The following TNKS variants were observed in gnomAD, a reference collection of about 807,000 sequenced individuals.
The protein encoded by TNKS is tankyrase.
Under a neutral mutation model 135.8 loss-of-function variants are expected in TNKS, and 72 were observed. The ratio of observed to expected loss-of-function variants is 0.53; its 90% CI spans 0.44 to 0.64. TNKS has a LOEUF of 0.64. TNKS is among the 30% of genes least tolerant of loss of function. The pLI, the probability that TNKS is intolerant of heterozygous loss-of-function variation, is 0.00. For missense variants in TNKS, 1,769 were observed against 1,674.0 expected (o/e 1.06, Z -0.99); for synonymous variants, 849 against 649.3 (o/e 1.31, Z -4.68).
chr8:9,609,527 A>G (rs1269711591), intron 2 of TNKS, among the ~76,000 whole-genome samples: 3 of 152,106 alleles, frequency 2.0e-5, no homozygotes, highest in Admixed American at 6.5e-5. Context: ...ATTCCATGAG[A>G]CATTGAAATG....
At chr8:9,556,786 C>T (rs1478232475) in intron 1 of TNKS, 174 bp downstream of exon 1, 9 of 434,440 alleles carry the variant, frequency 2.1e-5, no homozygotes, top group South Asian at 1.0e-4. Flanking sequence ...GTGATGGGGG[C>T]GTGGTTGGGG....
At chr8:9,657,699 G>T (rs1195170889) in intron 3 of TNKS, among the ~76,000 whole-genome samples, 1 of 96,248 alleles carries the variant, frequency 1.0e-5, no homozygotes, top group Non-Finnish European at 2.2e-5. Flanking sequence ...CCGGGCTGAG[G>T]GGCTCCTCAC....
At chr8:9,727,718 A>G (rs1805232890) in intron 13 of TNKS, among the ~76,000 whole-genome samples, 1 of 152,240 alleles carries the variant, frequency 6.6e-6, no homozygotes, top group East Asian at 1.9e-4. Context: ...AGCATTCTTG[A>G]TAACATATAC....
At chr8:9,687,250 A>G (rs1803044728) in intron 5 of TNKS, among the ~76,000 whole-genome samples, 1 of 152,190 alleles carries the variant, frequency 6.6e-6, no homozygotes, top group South Asian at 2.1e-4. Context: ...TGGGATTACA[A>G]GAAGGTCAAA....
At chr8:9,648,689 T>C (rs994239035) in intron 3 of TNKS, among the ~76,000 whole-genome samples, 3 of 152,314 alleles carry the variant, frequency 2.0e-5, no homozygotes, top group African/African-American at 7.2e-5. Context: ...TACTAGGTGA[T>C]AGAAATTTTT....
rs141516749 is a variant in TNKS, at chr8:9,677,409, G to A, written c.995-2542G>A. Among the ~76,000 whole-genome samples the A allele has an allele frequency of 4.6e-5, 7 of 152,288 alleles. No individual in the cohort carries two copies. In the South Asian group the frequency reaches 1.5e-3, roughly 32 times the overall value. On this transcript the variant is annotated intron_variant, in intron 3 of 26. Transcript: ENST00000310430. The stretch of plus-strand genomic sequence containing the variant: ...GCTTGATGAGAAGTTCAGGTAGGGA[G>A]AGACTGATTTGAACTTTGAGGTTCC...
At chr8:9,667,888 T>C (rs935321041) in intron 3 of TNKS, among the ~76,000 whole-genome samples, 2 of 151,134 alleles carry the variant, frequency 1.3e-5, no homozygotes, top group Non-Finnish European at 2.9e-5. Flanking sequence ...TCTCTTTGAA[T>C]CACGTCATTT....
At chr8:9,673,518 C>T (rs558635148) in intron 3 of TNKS, among the ~76,000 whole-genome samples, 1 of 145,612 alleles carries the variant, frequency 6.9e-6, no homozygotes, top group Admixed American at 7.1e-5. Context: ...GATCTCAGCT[C>T]ACTGCAACCT....
chr8:9,661,134 A>C (rs1294361164), intron 3 of TNKS, among the ~76,000 whole-genome samples: 1 of 152,054 alleles, frequency 6.6e-6, no homozygotes, highest in Admixed American at 6.6e-5. Flanking sequence ...GGAAGAATCA[A>C]TATCGTGAAA....
intron 2 of TNKS, among the ~76,000 whole-genome samples, chr8:9,604,566 C>A (rs1044629546): frequency 3.3e-5 from 5 of 151,982 alleles, no homozygotes; most frequent in Non-Finnish European, 5.9e-5. Context: ...CTATTAATTT[C>A]TTAACTTGCA....
At chr8:9,686,678 A>G (rs1259930315) in intron 5 of TNKS, among the ~76,000 whole-genome samples, 1 of 152,194 alleles carries the variant, frequency 6.6e-6, no homozygotes. Flanking sequence ...TTGAATTTAT[A>G]TCTTACAATT....
In TNKS at chr8:9,575,366, C is replaced by T. The variant is rs913176545; in HGVS notation, c.674-4793C>T. 12 of 984,774 alleles carry T rather than the reference C, an allele frequency of 1.2e-5. No individual in the cohort carries two copies. The African/African-American group carries it at 1.2e-4, about 10-fold the overall frequency. The allele number at this position is 984,774 out of a possible 1,614,324, so 61.0% of individuals were successfully genotyped here. ...TCCCTAAATTACAGGTGTGAGCCAC[C>T]GCGCCCGGCGGATAATTTTTTAAGA... is the stretch of plus-strand genomic sequence containing the variant. On this transcript the variant is annotated intron_variant, in intron 1 of 26. Coordinates refer to ENST00000310430, the MANE Select transcript of TNKS (RefSeq NM_003747.3).
intron 2 of TNKS, among the ~76,000 whole-genome samples, chr8:9,584,372 G>T (rs1262489500): frequency 3.3e-5 from 5 of 152,086 alleles, no homozygotes; most frequent in Non-Finnish European, 7.4e-5. Flanking sequence ...GGTTTGTCCA[G>T]TCATGCACTT....
At chr8:9,673,068 C>G (rs1563158850) in intron 3 of TNKS, among the ~76,000 whole-genome samples, 2 of 152,070 alleles carry the variant, frequency 1.3e-5, no homozygotes, top group Non-Finnish European at 2.9e-5. Context: ...ATAATACCCT[C>G]TTTTTTTGGC....
intron 21 of TNKS, among the ~76,000 whole-genome samples, chr8:9,762,887 A>C (rs1195847168): frequency 2.0e-5 from 3 of 148,704 alleles, no homozygotes; most frequent in Non-Finnish European, 4.5e-5. Flanking sequence ...CCTGGGCGAC[A>C]GAGCGAGGCT....
chr8:9,651,444 C>T (rs1005788304), intron 3 of TNKS, among the ~76,000 whole-genome samples: 3 of 152,134 alleles, frequency 2.0e-5, no homozygotes, highest in African/African-American at 4.8e-5. Context: ...AAATTTATTT[C>T]GCTTGTTGCC....
chr8:9,691,667 G>T (rs1803278031), intron 5 of TNKS, among the ~76,000 whole-genome samples: 2 of 152,128 alleles, frequency 1.3e-5, no homozygotes, highest in African/African-American at 4.8e-5. Context: ...TCTAGCTAAG[G>T]TAGTTGCTGT....
chr8:9,748,525 G>T (rs1334269910), intron 18 of TNKS, among the ~76,000 whole-genome samples: 2 of 152,044 alleles, frequency 1.3e-5, no homozygotes, highest in Non-Finnish European at 2.9e-5. Context: ...TCTATATTTG[G>T]CATGTTATTG....
intron 2 of TNKS, among the ~76,000 whole-genome samples, chr8:9,602,386 G>A (rs1266863207): frequency 6.6e-6 from 1 of 152,164 alleles, no homozygotes; most frequent in Non-Finnish European, 1.5e-5. Flanking sequence ...TTTTGGAAGA[G>A]CCAGTAGAAG....
Sources: allele counts gnomAD v4.1 joint callset (sites outside exome capture counted in the v4.1 genomes callset), GRCh38; gene constraint gnomAD v4.1.1; transcripts MANE v1.5; gene names NCBI Gene and HGNC (gene_info 2026-07-23, HGNC 2026-07-21).